Variants in LPIN1 observed in about 807,000 individuals in gnomAD.
LPIN1 encodes the protein lipin 1, also known as phosphatidate phosphatase LPIN1.
Under a neutral mutation model 107.5 loss-of-function variants are expected in LPIN1, and 71 were observed. The ratio of observed to expected loss-of-function variants is 0.66; its 90% CI spans 0.55 to 0.80. LPIN1 has a LOEUF of 0.80. Among genes scored for constraint, LPIN1 ranks in the 30% least tolerant of loss-of-function variants. The probability of loss-of-function intolerance (pLI) is 0.00; values close to 1 mark genes in which losing one functional copy is unlikely to be tolerated. For synonymous variants in LPIN1, 445 were observed against 452.6 expected (o/e 0.98, Z 0.21); for missense variants, 1,043 against 1,160.6 (o/e 0.90, Z 1.47).
At chr2:11,805,425 G>A (rs138451061) in intron 17 of LPIN1, 132 of 562,970 alleles carry the variant, frequency 2.3e-4, no homozygotes, top group African/African-American at 1.8e-3. Context: ...GGCAGCATTA[G>A]GGGTGAGACT....
chr2:11,792,475 C>G (rs776441226), intron 13 of LPIN1: 2 of 188,298 alleles, frequency 1.1e-5, no homozygotes, highest in Admixed American at 1.1e-4. Flanking sequence ...CTCTGCCTCC[C>G]GGGCTCAAGC....
chr2:11,711,971 TTTTCTAA>T (rs1199882973), intron 1 of LPIN1, among the ~76,000 whole-genome samples: 1 of 152,212 alleles, frequency 6.6e-6, no homozygotes, highest in South Asian at 2.1e-4. Flanking sequence ...CATTTCCCTT[TTTTCTAA>T]TTACATAATG....
At chr2:11,761,475 C>T (rs1250078119) in intron 1 of LPIN1, among the ~76,000 whole-genome samples, 2 of 152,198 alleles carry the variant, frequency 1.3e-5, no homozygotes, top group Non-Finnish European at 2.9e-5. Context: ...AGTGTGTTTA[C>T]TAAGGGCTGG....
chr2:11,728,708 GT>G (rs61415061), intron 1 of LPIN1, among the ~76,000 whole-genome samples: 8 of 151,488 alleles, frequency 5.3e-5, no homozygotes, highest in Non-Finnish European at 1.0e-4. Context: ...TCTGTTCTTT[GT>G]TTTTTTTCTC....
intron 1 of LPIN1, among the ~76,000 whole-genome samples, chr2:11,708,414 C>G (rs771745818): frequency 1.1e-4 from 17 of 152,076 alleles, no homozygotes; most frequent in South Asian, 2.1e-4. Context: ...TGGGAGGAAG[C>G]AGGGGAGCCT....
At chr2:11,685,179 C>T (rs1661938961) in intron 1 of LPIN1, among the ~76,000 whole-genome samples, 1 of 152,176 alleles carries the variant, frequency 6.6e-6, no homozygotes. Context: ...GAGCGGAGGC[C>T]TCAGGAGGTG....
intron 1 of LPIN1, among the ~76,000 whole-genome samples, chr2:11,694,141 A>G (rs1166143503): frequency 6.6e-6 from 1 of 152,076 alleles, no homozygotes; most frequent in Non-Finnish European, 1.5e-5. Flanking sequence ...ACCAAGAGCC[A>G]TATATTTTTA....
chr2:11,686,464 G>C (rs925655392), intron 1 of LPIN1, among the ~76,000 whole-genome samples: 1 of 152,224 alleles, frequency 6.6e-6, no homozygotes, highest in Non-Finnish European at 1.5e-5. Context: ...CTCCGGGAAA[G>C]ATGGAGGCTG....
intron 1 of LPIN1, among the ~76,000 whole-genome samples, chr2:11,727,331 T>C (rs1215625869): frequency 6.6e-6 from 1 of 152,224 alleles, no homozygotes; most frequent in African/African-American, 2.4e-5. Flanking sequence ...TATCTTAAAA[T>C]TTATTTCGGT....
intron 1 of LPIN1, among the ~76,000 whole-genome samples, chr2:11,737,490 C>T (rs1415556595): frequency 6.6e-6 from 1 of 152,048 alleles, no homozygotes; most frequent in Non-Finnish European, 1.5e-5. Flanking sequence ...ACCCACCTGA[C>T]AAAGGTCTGA....
intron 1 of LPIN1, among the ~76,000 whole-genome samples, chr2:11,759,149 C>CT (rs577716406): frequency 1.4e-5 from 2 of 143,348 alleles, no homozygotes; most frequent in African/African-American, 2.7e-5. Context: ...TTCTTTCTTT[C>CT]TTTCTTTCTT....
chr2:11,738,904 C>G (rs1666056540), intron 1 of LPIN1, among the ~76,000 whole-genome samples: 1 of 152,242 alleles, frequency 6.6e-6, no homozygotes, highest in Admixed American at 6.5e-5. Context: ...GCAGAACGAT[C>G]TCCAGAAATC....
chr2:11,812,893 G>C (rs1461861190), intron 17 of LPIN1, among the ~76,000 whole-genome samples: 1 of 152,152 alleles, frequency 6.6e-6, no homozygotes, highest in African/African-American at 2.4e-5. Context: ...TGTGGACGTG[G>C]TGGGAGCACT....
At chr2:11,758,220 C>T (rs1261261112) in intron 1 of LPIN1, among the ~76,000 whole-genome samples, 2 of 151,892 alleles carry the variant, frequency 1.3e-5, no homozygotes, top group African/African-American at 2.4e-5. Flanking sequence ...AATGCTGCCA[C>T]GACCATGGGT....
intron 1 of LPIN1, among the ~76,000 whole-genome samples, chr2:11,680,674 G>A (rs1189257045): frequency 6.6e-6 from 1 of 152,204 alleles, no homozygotes; most frequent in Non-Finnish European, 1.5e-5. Context: ...CTTGAGCAAA[G>A]GCTGGGGAAT....
At chr2:11,790,986 A>T (rs77649318) in intron 12 of LPIN1, among the ~76,000 whole-genome samples, 5,854 of 151,430 alleles carry the variant, frequency 0.039, 406 homozygotes, top group African/African-American at 0.13. Context: ...TTCTTTTTTT[A>T]AAAAAAATGT....
intron 17 of LPIN1, among the ~76,000 whole-genome samples, chr2:11,814,620 T>TA (rs1171524799): frequency 6.6e-6 from 1 of 151,592 alleles, no homozygotes; most frequent in Non-Finnish European, 1.5e-5. Context: ...TGATGTGAAT[T>TA]ACCCAAAAGA....
Position 11,782,364 on chromosome 2 carries a change from C to T in LPIN1, c.1121C>T (p.Thr374Ile), listed in dbSNP as rs141438400. The T allele has an allele frequency of 6.8e-5, 110 of 1,614,114 alleles. No individual in the cohort carries two copies. The highest frequency in any genetic ancestry group is 9.0e-5 in the Non-Finnish European group (106 of 1,180,050). Reference sequence around the variant, plus strand: ...CTTTTGGACCAGAACAAGCCTCAGACAGAAATGCAGTTTGTGAATGAAGAA... The same window carrying T: ...CTTTTGGACCAGAACAAGCCTCAGATAGAAATGCAGTTTGTGAATGAAGAA... ...GALLDQNKPQ[T>I]EMQFVNEEDL... The change falls in exon 8 of 21, where the codon ACA becomes ATA. Residue 374 changes from threonine (T) to isoleucine (I), a missense_variant. Transcript: ENST00000674199.
At chr2:11,715,363 T>C (rs10803740) in intron 2 of LPIN1, among the ~76,000 whole-genome samples, 97,492 of 152,068 alleles carry the variant, frequency 0.64, 34,784 homozygotes, top group South Asian at 0.84. Context: ...CTCCCAGCAA[T>C]ACAGGGAGCT....
Sources: allele counts gnomAD v4.1 joint callset (sites outside exome capture counted in the v4.1 genomes callset), GRCh38; gene constraint gnomAD v4.1.1; transcripts MANE v1.5; gene names NCBI Gene and HGNC (gene_info 2026-07-23, HGNC 2026-07-21).